CCDC57: variants seen among roughly 807,000 people sequenced by gnomAD.
CCDC57 encodes the protein coiled-coil domain-containing protein 57.
CCDC57 carries 118 observed loss-of-function variants against 118.9 expected under a neutral mutation model. The observed-to-expected ratio is 0.99, with a 90% CI of 0.86 to 1.16. The LOEUF (loss-of-function observed/expected upper bound fraction) is 1.16, where lower values mean the gene tolerates loss of function less well. Among genes scored for constraint, CCDC57 ranks in the 50% most tolerant of loss-of-function variants. CCDC57 has a pLI of 0.00. For missense variants in CCDC57, 1,300 were observed against 1,320.7 expected (o/e 0.98, Z 0.24); for synonymous variants, 527 against 532.9 (o/e 0.99, Z 0.15).
At chr17:82,174,803 G>A (rs1599153516) in intron 11 of CCDC57, among the ~76,000 whole-genome samples, 1 of 152,256 alleles carries the variant, frequency 6.6e-6, no homozygotes, top group Non-Finnish European at 1.5e-5. Context: ...TTTGATTCTT[G>A]CATGTTTTTA....
chr17:82,158,611 C>T (rs956887018), intron 14 of CCDC57, among the ~76,000 whole-genome samples: 1 of 150,586 alleles, frequency 6.6e-6, no homozygotes, highest in African/African-American at 2.4e-5. Flanking sequence ...TGGCATGAAC[C>T]CGGGAGGTGG....
chr17:82,140,693 A>G (rs2068045202), intron 16 of CCDC57, among the ~76,000 whole-genome samples: 2 of 152,200 alleles, frequency 1.3e-5, no homozygotes, highest in South Asian at 4.1e-4. Context: ...TGGAAGGCCA[A>G]ATCTGAGAAG....
At chr17:82,166,348 A>C (rs2043983047) in intron 13 of CCDC57, among the ~76,000 whole-genome samples, 1 of 44,100 alleles carries the variant, frequency 2.3e-5, no homozygotes, top group South Asian at 1.1e-3. Flanking sequence ...CATCTCTACA[A>C]AAAAAAAAAA....
At chr17:82,189,743 C>T (rs1353140114) in intron 7 of CCDC57, among the ~76,000 whole-genome samples, 1 of 152,124 alleles carries the variant, frequency 6.6e-6, no homozygotes, top group Non-Finnish European at 1.5e-5. Flanking sequence ...ATCCCAGCTA[C>T]TCGGGAGGCT....
chr17:82,138,649 A>AAGAGACGCG lies in CCDC57; in HGVS notation c.2456-4456_2456-4455insCGCGTCTCT, dbSNP rs1568224214. Among the ~76,000 whole-genome samples the AAGAGACGCG allele has an allele frequency of 4.7e-4, 64 of 135,062 alleles. 4 individuals are homozygous for AAGAGACGCG. The highest frequency in any genetic ancestry group is 3.3e-3 in the East Asian group (17 of 5,114). The allele number at this position is 135,062 out of a possible 152,430, so 88.6% of individuals were successfully genotyped here. On this transcript the variant is annotated intron_variant, in intron 16 of 19. Transcript: ENST00000665763. ...AAGACTGCCGAGTCGGAAGAGACGC[A>AAGAGACGCG]TGGCCTGCCCCGGGTCGGAAGAGAC...
At chr17:82,148,042 A>G (rs1248481920) in intron 16 of CCDC57, among the ~76,000 whole-genome samples, 1 of 68,566 alleles carries the variant, frequency 1.5e-5, no homozygotes, top group Non-Finnish European at 2.7e-5. Flanking sequence ...TGGTAGATGG[A>G]TGGGTGGGTG....
At chr17:82,184,476 A>C (rs2046690719) in intron 8 of CCDC57, among the ~76,000 whole-genome samples, 1 of 152,250 alleles carries the variant, frequency 6.6e-6, no homozygotes, top group Non-Finnish European at 1.5e-5. Flanking sequence ...AAATGGAATA[A>C]ATTTCCCAAG....
chr17:82,188,224 A>C, exon 8 of CCDC57: 1 of 1,549,280 alleles, frequency 6.5e-7, no homozygotes, highest in Non-Finnish European at 8.7e-7. Flanking sequence ...CTCACTGGTC[A>C]ATGGCAGCGT....
At chr17:82,107,549 T>C (rs2034948612) in intron 19 of CCDC57, 1 of 470,826 alleles carries the variant, frequency 2.1e-6, no homozygotes, top group Non-Finnish European at 4.4e-6. Flanking sequence ...TGCGTGCTTC[T>C]GGACCTGGCG....
intron 19 of CCDC57, among the ~76,000 whole-genome samples, chr17:82,111,548 T>C (rs2035248373): frequency 6.6e-6 from 1 of 152,116 alleles, no homozygotes; most frequent in African/African-American, 2.4e-5. Context: ...CCAGTCTTCT[T>C]ATCTTTTAAA....
rs768768219 is a variant in CCDC57, at chr17:82,167,634, C to T, written c.1882+4067G>A. Among the ~76,000 whole-genome samples, 11 of 151,728 alleles carry T rather than the reference C, an allele frequency of 7.2e-5. No individual in the cohort carries two copies. The South Asian group carries it at 8.3e-4, about 12-fold the overall frequency. ...CCAAAGTGCTGGGATTGCAGGCACC[C>T]GCAACCACACCCGGCCAATTTTTGC... is the stretch of plus-strand genomic sequence containing the variant. On this transcript the variant is annotated intron_variant, in intron 13 of 19. Coordinates refer to ENST00000665763, the Ensembl canonical transcript of CCDC57.
intron 16 of CCDC57, among the ~76,000 whole-genome samples, chr17:82,146,031 G>A (rs1049989790): frequency 2.0e-5 from 3 of 152,228 alleles, no homozygotes; most frequent in Non-Finnish European, 2.9e-5. Flanking sequence ...TGCTCCCTGC[G>A]GGATGCGGCC....
rs60068297 is a variant in CCDC57 at position 82,206,346 on chromosome 17, C to A, written c.-9+1501G>T. Among the ~76,000 whole-genome samples the A allele has an allele frequency of 1.4e-4, 21 of 152,272 alleles. No individual in the cohort carries two copies. The East Asian group carries it at 3.9e-3, about 28-fold the overall frequency. ...TTCCTGGCTCATAACTCTCACACGTCACAGTCTTTTGTTGCAATGTTGGGC... is the reference window on the plus strand; with the variant it reads ...TTCCTGGCTCATAACTCTCACACGTAACAGTCTTTTGTTGCAATGTTGGGC... On this transcript the variant is annotated intron_variant, in intron 2 of 19. Coordinates refer to ENST00000665763, the Ensembl canonical transcript of CCDC57.
intron 19 of CCDC57, among the ~76,000 whole-genome samples, chr17:82,115,932 G>A (rs2035846167): frequency 6.6e-6 from 1 of 150,692 alleles, no homozygotes; most frequent in Admixed American, 6.6e-5. Context: ...GGAGTAGCTG[G>A]GTTTACAGGT....
At chr17:82,190,785 G>A (rs754745032) in intron 7 of CCDC57, among the ~76,000 whole-genome samples, 25 of 149,768 alleles carry the variant, frequency 1.7e-4, no homozygotes, top group Admixed American at 8.0e-4. Flanking sequence ...AGGTGTTGAC[G>A]TCGTCTGCTT....
At chr17:82,195,617 G>GA (rs201161754) in intron 4 of CCDC57, among the ~76,000 whole-genome samples, 29 of 145,244 alleles carry the variant, frequency 2.0e-4, no homozygotes, top group Admixed American at 4.1e-4. Flanking sequence ...TGTCGCTACA[G>GA]AAAAAAAAAA....
chr17:82,150,083 GCACACCCAGAACCTGACC>G (rs1276729134), intron 16 of CCDC57, among the ~76,000 whole-genome samples: 2 of 109,210 alleles, frequency 1.8e-5, no homozygotes, highest in African/African-American at 3.6e-5. Flanking sequence ...AGAACCTGGT[GCACACCCAGAACCTGACC>G]CACACCCAGA....
intron 16 of CCDC57, among the ~76,000 whole-genome samples, chr17:82,148,083 T>C (rs1598902949): frequency 3.9e-5 from 1 of 25,344 alleles, no homozygotes; most frequent in African/African-American, 1.1e-4. Flanking sequence ...GGTAGATGGG[T>C]GGATGGATGG....
At chr17:82,109,088 A>G (rs1017344343) in intron 19 of CCDC57, 3 of 152,274 alleles carry the variant, frequency 2.0e-5, no homozygotes, top group Non-Finnish European at 2.9e-5. Context: ...GGCTTCCTAA[A>G]CAGGCGGGAT....
Sources: allele counts gnomAD v4.1 joint callset (sites outside exome capture counted in the v4.1 genomes callset), GRCh38; gene constraint gnomAD v4.1.1; transcripts MANE v1.5; gene names NCBI Gene and HGNC (gene_info 2026-07-23, HGNC 2026-07-21).